THSD7B: variants seen among roughly 807,000 people sequenced by gnomAD.
THSD7B encodes the protein thrombospondin type-1 domain-containing protein 7B.
THSD7B carries 138 observed loss-of-function variants against 213.6 expected under a neutral mutation model. The observed-to-expected ratio is 0.65, with a 90% CI of 0.56 to 0.74. The LOEUF (loss-of-function observed/expected upper bound fraction) is 0.74. Among genes scored for constraint, THSD7B ranks in the 30% least tolerant of loss-of-function variants. The pLI is 0.00. For synonymous variants in THSD7B, 742 were observed against 687.0 expected, an observed-to-expected ratio of 1.08 and a Z score of -1.25; for missense variants, 1,931 against 1,991.5, an observed-to-expected ratio of 0.97 and a Z score of 0.58.
At chr2:136,892,710 C>T (rs1025718507) in intron 2 of THSD7B, among the ~76,000 whole-genome samples, 12 of 150,422 alleles carry the variant, frequency 8.0e-5, no homozygotes, top group Admixed American at 7.3e-4. Flanking sequence ...AGGAAAGGAT[C>T]TGGGGAGCTA....
At chr2:136,802,625 T>C (rs1473913955) in intron 1 of THSD7B, among the ~76,000 whole-genome samples, 1 of 127,380 alleles carries the variant, frequency 7.9e-6, no homozygotes, top group African/African-American at 2.8e-5. Context: ...TTAAAAATAA[T>C]TTATGAATTA....
chr2:137,159,244 G>A (rs1320002396), intron 5 of THSD7B, among the ~76,000 whole-genome samples: 1 of 151,826 alleles, frequency 6.6e-6, no homozygotes, highest in Non-Finnish European at 1.5e-5. Flanking sequence ...ACAGCCTAGG[G>A]AACATAGGGA....
intron 6 of THSD7B, among the ~76,000 whole-genome samples, chr2:137,168,705 T>C (rs1680181283): frequency 6.6e-6 from 1 of 152,204 alleles, no homozygotes; most frequent in Admixed American, 6.5e-5. Context: ...TCTGGGCTAG[T>C]TGTCAAACAG....
intron 9 of THSD7B, among the ~76,000 whole-genome samples, chr2:137,238,094 G>A (rs1334799757): frequency 1.3e-5 from 2 of 152,154 alleles, no homozygotes; most frequent in African/African-American, 2.4e-5. Flanking sequence ...GGTGAGTGAT[G>A]CCAGGAAAGG....
chr2:137,574,839 G>T (rs1415300561), intron 17 of THSD7B, among the ~76,000 whole-genome samples: 1 of 152,130 alleles, frequency 6.6e-6, no homozygotes, highest in African/African-American at 2.4e-5. Context: ...AGCAAAGGCA[G>T]CAAACTAAAT....
At chr2:137,181,369 C>A (rs1263037154) in intron 7 of THSD7B, among the ~76,000 whole-genome samples, 1 of 152,060 alleles carries the variant, frequency 6.6e-6, no homozygotes, top group Non-Finnish European at 1.5e-5. Context: ...TTCGATACAC[C>A]AAAGTGGTCT....
chr2:137,447,582 A>C (rs1193496127), intron 14 of THSD7B, among the ~76,000 whole-genome samples: 1 of 152,132 alleles, frequency 6.6e-6, no homozygotes, highest in East Asian at 1.9e-4. Flanking sequence ...ACTCCTTAGA[A>C]ATGACTGTAA....
At chr2:137,383,379 G>A (rs1685822083) in intron 12 of THSD7B, among the ~76,000 whole-genome samples, 1 of 152,218 alleles carries the variant, frequency 6.6e-6, no homozygotes, top group African/African-American at 2.4e-5. Flanking sequence ...CCCTGTGGGT[G>A]CATCTCCCCA....
At chr2:136,856,217 A>T (rs1683179337) in intron 1 of THSD7B, among the ~76,000 whole-genome samples, 1 of 152,200 alleles carries the variant, frequency 6.6e-6, no homozygotes, top group Non-Finnish European at 1.5e-5. Context: ...TGAACGGATG[A>T]TTCCCACATT....
At chr2:137,081,516 T>C (rs963764587) in intron 3 of THSD7B, among the ~76,000 whole-genome samples, 2 of 152,152 alleles carry the variant, frequency 1.3e-5, no homozygotes, top group African/African-American at 4.8e-5. Context: ...TTTTTTGCTT[T>C]TATTGTCTTT....
At chr2:136,865,103 A>G (rs1683313355) in intron 1 of THSD7B, among the ~76,000 whole-genome samples, 1 of 152,026 alleles carries the variant, frequency 6.6e-6, no homozygotes, top group Admixed American at 6.6e-5. Context: ...AATCCCCTTT[A>G]CCTGGCCAGG....
intron 2 of THSD7B, among the ~76,000 whole-genome samples, chr2:137,014,320 T>C (rs1052890288): frequency 1.3e-5 from 2 of 152,148 alleles, no homozygotes; most frequent in African/African-American, 4.8e-5. Flanking sequence ...CCCAGTGTAA[T>C]GGGGCCAAAA....
At chr2:137,039,190 G>T (rs1275464155) in intron 2 of THSD7B, among the ~76,000 whole-genome samples, 2 of 152,064 alleles carry the variant, frequency 1.3e-5, no homozygotes, top group African/African-American at 4.8e-5. Flanking sequence ...AATAGCAATG[G>T]GTTTCAAGCT....
intron 17 of THSD7B, among the ~76,000 whole-genome samples, chr2:137,585,831 G>T (rs569588078): frequency 4.7e-4 from 71 of 152,208 alleles, no homozygotes; most frequent in African/African-American, 1.6e-3. Flanking sequence ...TTGAGGTGGA[G>T]AGTTCTGTAG....
chr2:137,374,289 C>T (rs1467844648), intron 12 of THSD7B, among the ~76,000 whole-genome samples: 2 of 152,118 alleles, frequency 1.3e-5, no homozygotes, highest in Non-Finnish European at 2.9e-5. Context: ...AATCAGATTA[C>T]TTCTTGACTT....
intron 1 of THSD7B, among the ~76,000 whole-genome samples, chr2:136,878,157 G>A (rs1224730271): frequency 6.6e-6 from 1 of 152,154 alleles, no homozygotes; most frequent in African/African-American, 2.4e-5. Flanking sequence ...ACCTATGAAT[G>A]AGAACATGCG....
At chr2:137,277,683 A>G (rs1682904465) in intron 12 of THSD7B, among the ~76,000 whole-genome samples, 1 of 152,158 alleles carries the variant, frequency 6.6e-6, no homozygotes, top group African/African-American at 2.4e-5. Flanking sequence ...AAATGGAGAT[A>G]TGGCAAAGTA....
intron 2 of THSD7B, among the ~76,000 whole-genome samples, chr2:136,993,134 T>A (rs1685818907): frequency 6.6e-6 from 1 of 152,188 alleles, no homozygotes; most frequent in Non-Finnish European, 1.5e-5. Context: ...AACCGAGGAT[T>A]GTCAGTACTG....
At chr2:137,357,546 ATGTTTAG>A (rs1426252691) in intron 12 of THSD7B, among the ~76,000 whole-genome samples, 2 of 152,134 alleles carry the variant, frequency 1.3e-5, no homozygotes, top group Non-Finnish European at 2.9e-5. Context: ...ATTGTTCCAT[ATGTTTAG>A]TGTTCTTTCT....
Sources: gnomAD v4.1 joint callset for allele counts (sites outside exome capture counted in the v4.1 genomes callset) on GRCh38, gnomAD v4.1.1 for gene constraint, MANE v1.5 for transcripts, NCBI Gene and HGNC (gene_info 2026-07-23, HGNC 2026-07-21) for gene names.